The following PMP22 variants were observed in gnomAD, a reference collection of about 807,000 sequenced individuals.
PMP22 encodes the protein Charcot-Marie-Tooth neuropathy 1A (greatly reduced nerve conduction velocity, hereditary motor sensory neuropathy Ia).
In PMP22, 2 loss-of-function variants were observed where a neutral mutation model predicts 18.9. The observed-to-expected ratio is 0.11, with a 90% CI of 0.04 to 0.33. The LOEUF (loss-of-function observed/expected upper bound fraction) is 0.33. Ranked by LOEUF, PMP22 falls within the 10% of genes least tolerant of loss-of-function variation. PMP22 has a pLI of 1.00. For synonymous variants in PMP22, 95 were observed against 89.2 expected, an observed-to-expected ratio of 1.07 and a Z score of -0.37; for missense variants, 169 against 202.2, an observed-to-expected ratio of 0.84 and a Z score of 1.00.
At chr17:15,263,428 A>G (rs1236679358) in intron 1 of PMP22, among the ~76,000 whole-genome samples, 2 of 152,104 alleles carry the variant, frequency 1.3e-5, no homozygotes, top group Non-Finnish European at 2.9e-5. Context: ...CCAGCGTTAC[A>G]GGGAGAGAGG....
At chr17:15,243,391 T>G (rs1205407524) in intron 3 of PMP22, among the ~76,000 whole-genome samples, 1 of 151,850 alleles carries the variant, frequency 6.6e-6, no homozygotes, top group Non-Finnish European at 1.5e-5. Flanking sequence ...CTAATCCATA[T>G]TGCAACTGGA....
At chr17:15,252,529 C>T (rs988495106) in intron 3 of PMP22, among the ~76,000 whole-genome samples, 6 of 152,184 alleles carry the variant, frequency 3.9e-5, no homozygotes, top group African/African-American at 1.4e-4. Context: ...CACCTGTTGT[C>T]ACTGGGAAAT....
At chr17:15,238,644 A>G (rs955087551) in intron 4 of PMP22, among the ~76,000 whole-genome samples, 2 of 152,146 alleles carry the variant, frequency 1.3e-5, no homozygotes, top group African/African-American at 4.8e-5. Context: ...CTAATGTAAG[A>G]TGCTAGGCAG....
chr17:15,262,524 G>C (rs1010123422), intron 1 of PMP22: 3 of 152,280 alleles, frequency 2.0e-5, no homozygotes, highest in African/African-American at 4.8e-5. Flanking sequence ...GCTGCGCTGC[G>C]GGGCTGCGCG....
At chr17:15,264,991 AG>A (rs1403668071) in intron 1 of PMP22, among the ~76,000 whole-genome samples, 162 bp downstream of exon 1, 1 of 152,094 alleles carries the variant, frequency 6.6e-6, no homozygotes, top group Non-Finnish European at 1.5e-5. Flanking sequence ...CTTTTAACCA[AG>A]GATATAAAAA....
chr17:15,239,250 C>G, intron 4 of PMP22: 2 of 627,582 alleles, frequency 3.2e-6, no homozygotes, highest in South Asian at 1.9e-5. Flanking sequence ...TCATATGCAT[C>G]TCATTCCAGG....
At chr17:15,247,421 C>T (rs115898026) in intron 3 of PMP22, among the ~76,000 whole-genome samples, 2,663 of 152,290 alleles carry the variant, frequency 0.017, 72 homozygotes, top group African/African-American at 0.059. Flanking sequence ...GCCTCCTGTT[C>T]TGAGAGTGTC....
At chr17:15,254,079 G>C (rs768100566) in intron 3 of PMP22, among the ~76,000 whole-genome samples, 4 of 152,216 alleles carry the variant, frequency 2.6e-5, no homozygotes, top group Non-Finnish European at 5.9e-5. Flanking sequence ...GAAATTCCAA[G>C]ATGAGGGGAA....
intron 4 of PMP22, among the ~76,000 whole-genome samples, chr17:15,233,240 G>A (rs1220088149): frequency 1.3e-5 from 2 of 152,160 alleles, no homozygotes; most frequent in African/African-American, 2.4e-5. Context: ...TGTGGCAAGG[G>A]TAAGTGAGGC....
At chr17:15,231,829 G>A (rs1047932213) in intron 4 of PMP22, among the ~76,000 whole-genome samples, 2 of 152,154 alleles carry the variant, frequency 1.3e-5, no homozygotes, top group African/African-American at 4.8e-5. Flanking sequence ...ATGCAGGTGG[G>A]TCAGGCCACC....
intron 2 of PMP22, among the ~76,000 whole-genome samples, chr17:15,259,621 A>G (rs1198387857): frequency 6.6e-6 from 1 of 152,070 alleles, no homozygotes; most frequent in Non-Finnish European, 1.5e-5. Context: ...AATCCCCAAC[A>G]TAATTATTTC....
At chr17:15,250,632 G>A (rs1303722210) in intron 3 of PMP22, among the ~76,000 whole-genome samples, 1 of 152,098 alleles carries the variant, frequency 6.6e-6, no homozygotes, top group Non-Finnish European at 1.5e-5. Context: ...AGCCCAAAAC[G>A]TAGAGTCATC....
In PMP22 at chr17:15,244,251, A is replaced by C. The variant is rs573760647; in HGVS notation, c.179-4640T>G. ...CAATTTTCATCCAGCCAATAGGCAA[A>C]ATTCAAAAAAAATGGATAATATCAG... On this transcript the variant is annotated intron_variant, in intron 3 of 4. Coordinates refer to ENST00000312280, the MANE Select transcript of PMP22 (RefSeq NM_000304.4). 2.6e-3 allele frequency among the ~76,000 whole-genome samples: 400 copies of C among 152,248 alleles called. 1 individual carries two copies. The Middle Eastern group carries it at 0.027, about 10-fold the overall frequency.
chr17:15,246,027 A>G (rs1435500483), intron 3 of PMP22, among the ~76,000 whole-genome samples: 1 of 151,908 alleles, frequency 6.6e-6, no homozygotes, highest in Non-Finnish European at 1.5e-5. Context: ...CTCAAAAAAA[A>G]AAAAAAGAAA....
rs1907077575 is a variant in PMP22 at position 15,239,276 on chromosome 17, C to G, written c.319+195G>C. On this transcript the variant is annotated intron_variant, in intron 4 of 4. Transcript: ENST00000312280. Reference sequence around the variant, plus strand: ...TCATTCCAGGGAGAAGGGGAGAGTTCTAAGTCCCAAGTTCTAAGACACATA... The same window carrying G: ...TCATTCCAGGGAGAAGGGGAGAGTTGTAAGTCCCAAGTTCTAAGACACATA... 1.8e-5 allele frequency: 12 copies of G among 664,878 alleles called. No individual in the cohort carries two copies. The Admixed American group carries it at 2.2e-4, about 12-fold the overall frequency. The allele number at this position is 664,878 out of a possible 1,614,324, so 41.2% of individuals were successfully genotyped here.
chr17:15,241,204 G>A (rs1209930848), intron 3 of PMP22, among the ~76,000 whole-genome samples: 1 of 152,122 alleles, frequency 6.6e-6, no homozygotes, highest in Non-Finnish European at 1.5e-5. Flanking sequence ...ATTAAAGTAA[G>A]AAAATGACGG....
intron 3 of PMP22, among the ~76,000 whole-genome samples, chr17:15,248,448 C>CT (rs1908021462): frequency 6.6e-6 from 1 of 152,198 alleles, no homozygotes; most frequent in Non-Finnish European, 1.5e-5. Flanking sequence ...AATTAAGAGG[C>CT]TTTGTGGCAG....
intron 4 of PMP22, among the ~76,000 whole-genome samples, chr17:15,233,173 G>A (rs186604182): frequency 2.6e-5 from 4 of 152,334 alleles, no homozygotes; most frequent in Admixed American, 2.6e-4. Context: ...CCCCTAGTAA[G>A]TGGACTGTGA....
chr17:15,242,353 A>G (rs1263493156), intron 3 of PMP22, among the ~76,000 whole-genome samples: 1 of 151,850 alleles, frequency 6.6e-6, no homozygotes, highest in Non-Finnish European at 1.5e-5. Flanking sequence ...AAGATTCTGA[A>G]AAGAAGCTTC....
Sources: gnomAD v4.1 joint callset for allele counts (sites outside exome capture counted in the v4.1 genomes callset) on GRCh38, gnomAD v4.1.1 for gene constraint, MANE v1.5 for transcripts, NCBI Gene and HGNC (gene_info 2026-07-23, HGNC 2026-07-21) for gene names.